The following ATP8B1 variants were observed in gnomAD, a reference collection of about 807,000 sequenced individuals.
The protein encoded by ATP8B1 is ATPase phospholipid transporting 8B1.
Under a neutral mutation model 149.9 loss-of-function variants are expected in ATP8B1, and 80 were observed. The ratio of observed to expected loss-of-function variants is 0.53; its 90% confidence interval spans 0.45 to 0.64. The LOEUF is 0.64. ATP8B1 is among the 30% of genes least tolerant of loss of function. ATP8B1 has a pLI of 0.00. For synonymous variants in ATP8B1, 536 were observed against 562.8 expected, an observed-to-expected ratio of 0.95 and a Z score of 0.67; for missense variants, 1,247 against 1,552.6, an observed-to-expected ratio of 0.80 and a Z score of 3.31.
chr18:57,683,807 A>G (rs537807924), intron 15 of ATP8B1, among the ~76,000 whole-genome samples: 2 of 152,360 alleles, frequency 1.3e-5, no homozygotes, highest in South Asian at 4.1e-4. Flanking sequence ...TGAAAAAAAT[A>G]CACCTGGAGC....
At chr18:57,654,154 T>C in intron 23 of ATP8B1, 79 bp from the exon 24 acceptor site, 1 of 1,228,544 alleles carries the variant, frequency 8.1e-7, no homozygotes, top group East Asian at 2.4e-5. Context: ...ATCTGCTTCC[T>C]TTATTTAACA....
At chr18:57,785,491 T>A (rs913624224) in intron 1 of ATP8B1, among the ~76,000 whole-genome samples, 1 of 152,174 alleles carries the variant, frequency 6.6e-6, no homozygotes. Context: ...TTTGTTGTTG[T>A]TGTTGTTTTG....
chr18:57,713,199 CCT>C (rs1913793526), intron 2 of ATP8B1, among the ~76,000 whole-genome samples: 5 of 64,072 alleles, frequency 7.8e-5, no homozygotes, highest in African/African-American at 2.8e-4. Flanking sequence ...TTCTTTCTTT[CCT>C]TCCTTCCTTC....
intron 2 of ATP8B1, among the ~76,000 whole-genome samples, chr18:57,722,100 G>A (rs1317645406): frequency 1.4e-5 from 2 of 145,102 alleles, no homozygotes; most frequent in African/African-American, 2.6e-5. Context: ...TCAAAGCAGT[G>A]TGTAGAGGGA....
intron 22 of ATP8B1, among the ~76,000 whole-genome samples, chr18:57,655,989 G>A (rs1007223796): frequency 7.2e-5 from 11 of 152,254 alleles, no homozygotes; most frequent in Admixed American, 6.5e-5. Context: ...GCCCAGCATC[G>A]CTTCCTCTTT....
chr18:57,712,280 C>G (rs1317279484), intron 2 of ATP8B1, among the ~76,000 whole-genome samples: 1 of 152,066 alleles, frequency 6.6e-6, no homozygotes, highest in African/African-American at 2.4e-5. Context: ...CCAATGCCAC[C>G]CCTCCCCCAG....
intron 1 of ATP8B1, among the ~76,000 whole-genome samples, chr18:57,791,994 T>C (rs2080468513): frequency 1.3e-5 from 2 of 152,192 alleles, no homozygotes; most frequent in South Asian, 2.1e-4. Flanking sequence ...TAATAAGTAA[T>C]TGTTGAATCA....
At chr18:57,685,035 C>T in intron 14 of ATP8B1, 37 bp downstream of exon 14, 8 of 1,612,096 alleles carry the variant, frequency 5.0e-6, no homozygotes, top group Non-Finnish European at 6.8e-6. Flanking sequence ...CTGACATCCC[C>T]AGCATCCCAA....
At chr18:57,661,027 T>C (rs891055421) in intron 22 of ATP8B1, 147 bp downstream of exon 22, 32 of 1,122,678 alleles carry the variant, frequency 2.9e-5, no homozygotes, top group Non-Finnish European at 4.0e-5. Context: ...TCACAGGCGT[T>C]GTCATGGTTA....
intron 1 of ATP8B1, among the ~76,000 whole-genome samples, chr18:57,782,803 CTTTTTTTTTTTTT>C (rs79009229): frequency 1.5e-4 from 14 of 91,170 alleles, no homozygotes; most frequent in African/African-American, 3.4e-4. Context: ...TAGTTTGTCT[CTTTTTTTTTTTTT>C]TTTTTTTTTT....
intron 27 of ATP8B1, among the ~76,000 whole-genome samples, chr18:57,649,555 C>CT (rs1277932069): frequency 5.3e-5 from 8 of 152,122 alleles, no homozygotes. Flanking sequence ...AGCCTCTACT[C>CT]TCTCCTTCTT....
At chr18:57,692,856 A>G (rs1228173454) in intron 11 of ATP8B1, among the ~76,000 whole-genome samples, 2 of 152,224 alleles carry the variant, frequency 1.3e-5, no homozygotes, top group Non-Finnish European at 2.9e-5. Context: ...GATAAGTATT[A>G]TGTTGTAGAA....
At chr18:57,660,590 C>T (rs867219017) in intron 22 of ATP8B1, among the ~76,000 whole-genome samples, 30 of 152,246 alleles carry the variant, frequency 2.0e-4, no homozygotes, top group Admixed American at 2.6e-4. Context: ...ACGATCTCAG[C>T]TCACTGTAAC....
At chr18:57,695,841 G>A (rs1182219260) in intron 8 of ATP8B1, among the ~76,000 whole-genome samples, 3 of 152,194 alleles carry the variant, frequency 2.0e-5, no homozygotes, top group Non-Finnish European at 4.4e-5. Flanking sequence ...CTACCAAAGT[G>A]CTGTTTGAAA....
At chr18:57,661,570 A>G (rs755095060) in intron 21 of ATP8B1, 108 bp from the exon 22 acceptor site, 1 of 1,184,446 alleles carries the variant, frequency 8.4e-7, no homozygotes, top group Non-Finnish European at 1.2e-6. Context: ...TATGTCACTG[A>G]TTATATTTGA....
At chr18:57,707,357 C>T (rs2122980131) in intron 2 of ATP8B1, among the ~76,000 whole-genome samples, 1 of 152,230 alleles carries the variant, frequency 6.6e-6, no homozygotes, top group Non-Finnish European at 1.5e-5. Flanking sequence ...GCACCAAGTT[C>T]TCCATGAACA....
At chr18:57,725,968 G>C (rs530847005) in intron 2 of ATP8B1, among the ~76,000 whole-genome samples, 1 of 152,284 alleles carries the variant, frequency 6.6e-6, no homozygotes, top group South Asian at 2.1e-4. Context: ...GGTGGCTCAC[G>C]CCTGTAATTC....
intron 1 of ATP8B1, among the ~76,000 whole-genome samples, chr18:57,788,943 C>T (rs1599240907): frequency 6.6e-6 from 1 of 152,016 alleles, no homozygotes; most frequent in Non-Finnish European, 1.5e-5. Flanking sequence ...AAAATAAATC[C>T]TCCTTCCACT....
chr18:57,729,015 C>T (rs1249671718), intron 2 of ATP8B1, among the ~76,000 whole-genome samples: 6 of 152,122 alleles, frequency 3.9e-5, no homozygotes, highest in Admixed American at 1.3e-4. Flanking sequence ...TCGCCGCACC[C>T]GGCCAAGACT....
Sources: gnomAD v4.1 joint callset for allele counts (sites outside exome capture counted in the v4.1 genomes callset) on GRCh38, gnomAD v4.1.1 for gene constraint, MANE v1.5 for transcripts, NCBI Gene and HGNC (gene_info 2026-07-23, HGNC 2026-07-21) for gene names.